CHD3: variants seen among roughly 807,000 people sequenced by gnomAD.
CHD3 encodes ATP-dependent chromatin remodeler CHD3.
A neutral mutation model predicts 248.9 loss-of-function variants in CHD3; 52 were observed. The ratio of observed to expected loss-of-function variants is 0.21; its 90% CI spans 0.17 to 0.26. The LOEUF (loss-of-function observed/expected upper bound fraction) is 0.26, where lower values mean the gene tolerates loss of function less well. Among genes scored for constraint, CHD3 ranks in the 10% least tolerant of loss-of-function variants. The pLI is 1.00. For missense variants in CHD3, 1,482 were observed against 2,605.8 expected (o/e 0.57, Z 9.39); for synonymous variants, 985 against 985.2 (o/e 1.00, Z 0.00).
chr17:7,911,660 G>A lies in CHD3; in HGVS notation c.*75G>A, dbSNP rs1267492786. Reference sequence around the variant, plus strand: ...CCCAGCTCAAGCGCTGGGGCCTGCTGCCAGCCCTCCACCTTCCCCACCCCT... The same window carrying A: ...CCCAGCTCAAGCGCTGGGGCCTGCTACCAGCCCTCCACCTTCCCCACCCCT... On this transcript the variant is annotated 3_prime_UTR_variant, in exon 40 of 40. Transcript: ENST00000330494. The surrounding 1 kb of genome is among the most constrained non-coding windows in gnomAD (Gnocchi z 5.4). The A allele has an allele frequency of 6.2e-7, 1 of 1,606,628 alleles. No homozygotes were observed. The highest frequency in any genetic ancestry group is 8.5e-7 in the Non-Finnish European group (1 of 1,176,044).
rs748588194 is a variant in CHD3, at chr17:7,907,630, G to A, written c.4954G>A (p.Glu1652Lys). The change falls in exon 33 of 40, where the codon GAG (glutamate) becomes AAG (lysine). Residue 1652 changes from glutamate (E) to lysine (K), a missense_variant. By Grantham distance (56) the Glu-to-Lys change is moderately conservative (BLOSUM62 1). Around this residue, in one of 20 missense-constraint regions of CHD3, gnomAD observed 254 missense variants for 266.7 expected, o/e 0.95. Coordinates refer to ENST00000330494, the MANE Select transcript of CHD3 (RefSeq NM_001005273.3). This position sits in a 1 kb window ranked among gnomAD's most constrained non-coding sequence, Gnocchi z 4.3. ...ATESTPGERG[E>K]EKPLDGQEHR... ...AGAGTCGACGCCAGGAGAAAGGGGGGAGGAGAAGCCGTTGGATGGACAGGA... is the reference window on the plus strand; with the variant it reads ...AGAGTCGACGCCAGGAGAAAGGGGGAAGGAGAAGCCGTTGGATGGACAGGA... 1.3e-6 allele frequency: 2 copies of A among 1,524,832 alleles called. No homozygotes were observed. The highest frequency in any genetic ancestry group is 2.6e-5 in the South Asian group (2 of 78,140). The allele number at this position is 1,524,832 out of a possible 1,614,324, so 94.5% of individuals were successfully genotyped here.
In CHD3 at chr17:7,906,516, G is replaced by T; in HGVS notation, c.4359-37G>T. On this transcript the variant is annotated intron_variant, in intron 28 of 39. Coordinates refer to ENST00000330494, the MANE Select transcript of CHD3 (RefSeq NM_001005273.3). This position sits in a 1 kb window ranked among gnomAD's most constrained non-coding sequence, Gnocchi z 5.0. The stretch of plus-strand genomic sequence containing the variant: ...CTCACTGCCCTATACCCCTTCTGTG[G>T]CTCCCCTAACCCTCCTCCCACTCCC... 6.2e-7 allele frequency: 1 copy of T among 1,611,288 alleles called. No homozygotes were observed. Among genetic ancestry groups the T allele is most frequent in the South Asian group, 1.1e-5 (1 of 90,886 alleles).
chr17:7,911,731 CCT>C lies in CHD3; in HGVS notation c.*151_*152del. 2 of 1,542,794 alleles carry C rather than the reference CCT, an allele frequency of 1.3e-6. No homozygotes were observed. Among genetic ancestry groups the C allele is most frequent in the Non-Finnish European group, 1.8e-6 (2 of 1,141,634 alleles). On this transcript the variant is annotated 3_prime_UTR_variant, in exon 40 of 40. Coordinates refer to ENST00000330494, the MANE Select transcript of CHD3 (RefSeq NM_001005273.3). This position sits in a 1 kb window ranked among gnomAD's most constrained non-coding sequence, Gnocchi z 5.4. ...AACCCCTTTGCCCCTCTCTGCAGCTCCTCTCTTCAAGAAGGGCCCTTTGTCTT... is the reference window on the plus strand; with the variant it reads ...AACCCCTTTGCCCCTCTCTGCAGCTCCTCTTCAAGAAGGGCCCTTTGTCTT...
chr17:7,898,375 A>G (rs1048367491), intron 12 of CHD3, 121 bp from the exon 13 acceptor site: 1 of 827,826 alleles, frequency 1.2e-6, no homozygotes, highest in Non-Finnish European at 1.9e-6. Context: ...AGAGCCTGGG[A>G]AAAAGGAAAT....
intron 10 of CHD3, 115 bp from the exon 11 acceptor site, chr17:7,896,968 C>G (rs1262789183): frequency 1.0e-5 from 9 of 864,782 alleles, no homozygotes; most frequent in South Asian, 1.6e-5. Flanking sequence ...CCAATCCATC[C>G]TTTTTCATAG....
chr17:7,893,906 C>T lies in CHD3; in HGVS notation c.895C>T (p.Leu299=). ...ACCACTCAAAATAAAACTAGGGCTT[C>T]TGGGTGGCAAGAGGAAGAAAGGAGG... ...MAPLKIKLGL[L]GGKRKKGGSY... Residue 299 remains leucine, a synonymous_variant, in exon 6 of 40, where the codon CTG becomes TTG. Transcript: ENST00000330494. 1 of 1,598,754 alleles carries T rather than the reference C, an allele frequency of 6.3e-7. No homozygotes were observed. Among genetic ancestry groups the T allele is most frequent in the Non-Finnish European group, 8.5e-7 (1 of 1,170,628 alleles).
chr17:7,885,869 C>A (rs911495912), upstream of CHD3, among the ~76,000 whole-genome samples: 1 of 152,238 alleles, frequency 6.6e-6, no homozygotes, highest in Non-Finnish European at 1.5e-5. Context: ...AAGGCAGGAG[C>A]TCGTCCCCTC....
rs984132266 is a variant in CHD3, at chr17:7,901,451, G to C, written c.3252+76G>C. ...CATCCTCCAGACTTTAATTTCTTAC[G>C]GTCTTCCTGTGGCTGCTCTGGTGTG... On this transcript the variant is annotated intron_variant, in intron 20 of 39. Transcript: ENST00000330494. 2.9e-6 allele frequency: 4 copies of C among 1,357,252 alleles called. No homozygotes were observed. In the African/African-American group the frequency reaches 5.9e-5, roughly 20 times the overall value. The allele number at this position is 1,357,252 out of a possible 1,614,324, so 84.1% of individuals were successfully genotyped here. A position where few individuals can be genotyped will look rare whatever the true frequency, so the allele number is the denominator to read the frequency against.
At chr17:7,887,232 G>A (rs931136370), upstream of CHD3, among the ~76,000 whole-genome samples, 2 of 152,136 alleles carry the variant, frequency 1.3e-5, no homozygotes, top group Admixed American at 6.5e-5. Context: ...GATTTCCATT[G>A]TTTTCCATTC....
chr17:7,897,992 C>T lies in CHD3; in HGVS notation c.1941C>T (p.Tyr647=), dbSNP rs1969892155. 1.2e-6 allele frequency: 2 copies of T among 1,613,870 alleles called. No homozygotes were observed. The highest frequency in any genetic ancestry group is 8.5e-7 in the Non-Finnish European group (1 of 1,179,932). The change falls in exon 12 of 40, where the codon TAC becomes TAT. Residue 647 remains tyrosine, a synonymous_variant. Coordinates refer to ENST00000330494, the MANE Select transcript of CHD3 (RefSeq NM_001005273.3). This position sits in a 1 kb window ranked among gnomAD's most constrained non-coding sequence, Gnocchi z 4.8. ...ACAGTGTGGATAAAAAGGGGAATTA[C>T]CACTATCTAGTAAAATGGAGGGACT... ...INHSVDKKGN[Y]HYLVKWRDLP...
rs768338780 is a variant in CHD3 at position 7,910,329 on chromosome 17, T to G, written c.5591-99T>G. 2 of 1,429,084 alleles carry G rather than the reference T, an allele frequency of 1.4e-6. No homozygotes were observed. Among genetic ancestry groups the G allele is most frequent in the South Asian group, 2.3e-5 (2 of 87,232 alleles). The allele number at this position is 1,429,084 out of a possible 1,614,324, so 88.5% of individuals were successfully genotyped here. A position where few individuals can be genotyped will look rare whatever the true frequency, so the allele number is the denominator to read the frequency against. The stretch of plus-strand genomic sequence containing the variant: ...GTGTTCTCCTCTCTCGCTCTTTTTC[T>G]GCCTGTATCTGTCCATCTGATGCCT... On this transcript the variant is annotated intron_variant, in intron 37 of 39. Coordinates refer to ENST00000330494, the MANE Select transcript of CHD3 (RefSeq NM_001005273.3). The surrounding 1 kb of genome is among the most constrained non-coding windows in gnomAD (Gnocchi z 4.7).
At position 7,910,636 on chromosome 17, in the gene CHD3, C is replaced by T; in HGVS notation, c.5754+45C>T. ...GCTCCAGTTTTCCCTGTTTGTGTTC[C>T]TCCTGCACACATACAAACACTTCCA... On this transcript the variant is annotated intron_variant, in intron 38 of 39. Coordinates refer to ENST00000330494, the MANE Select transcript of CHD3 (RefSeq NM_001005273.3). This position sits in a 1 kb window ranked among gnomAD's most constrained non-coding sequence, Gnocchi z 4.7. 1 of 1,576,628 alleles carries T rather than the reference C, an allele frequency of 6.3e-7. No individual in the cohort carries two copies.
chr17:7,894,866 T>G (rs749255431), intron 8 of CHD3, 51 bp from the exon 9 acceptor site: 1 of 1,600,240 alleles, frequency 6.2e-7, no homozygotes, highest in East Asian at 2.2e-5. Context: ...TCTTCCAGTT[T>G]CATTCCTTAA....
chr17:7,908,354 C>G lies in CHD3; in HGVS notation c.5153-48C>G, dbSNP rs1393779008. ...CTCTACCTGTCTGTTGGACTGAGTGCAGTCTGCAAAACCCTGTTACCTCTT... is the reference window on the plus strand; with the variant it reads ...CTCTACCTGTCTGTTGGACTGAGTGGAGTCTGCAAAACCCTGTTACCTCTT... On this transcript the variant is annotated intron_variant, in intron 34 of 39. Transcript: ENST00000330494. The surrounding 1 kb of genome is among the most constrained non-coding windows in gnomAD (Gnocchi z 5.8). The G allele has an allele frequency of 7.0e-7, 1 of 1,428,234 alleles. No homozygotes were observed. Among genetic ancestry groups the G allele is most frequent in the Non-Finnish European group, 9.8e-7 (1 of 1,022,908 alleles). 88.5% of individuals were successfully genotyped at this position (1,428,234 alleles called of 1,614,324 possible).
At chr17:7,901,064 G>GT in intron 19 of CHD3, 71 bp downstream of exon 19, 3 of 1,570,082 alleles carry the variant, frequency 1.9e-6, no homozygotes, top group Non-Finnish European at 1.7e-6. Flanking sequence ...TAGTGGGGAG[G>GT]TGGGTATTGA....
In CHD3 at chr17:7,910,926, C is replaced by T; in HGVS notation, c.5834C>T (p.Ala1945Val). The change falls in exon 39 of 40, where the codon GCC becomes GTC. Residue 1945 changes from alanine to valine, a missense_variant. By Grantham distance (64) the Ala-to-Val change is moderately conservative. Around this residue, in one of 20 missense-constraint regions of CHD3, gnomAD observed 117 missense variants for 137.2 expected, o/e 0.85. Coordinates refer to ENST00000330494, the MANE Select transcript of CHD3 (RefSeq NM_001005273.3). The surrounding 1 kb of genome is among the most constrained non-coding windows in gnomAD (Gnocchi z 4.7). Reference protein sequence around the residue: ...FSAAPVGALAAAGANYSQMPA... With the variant: ...FSAAPVGALAVAGANYSQMPA... ...GCCGCACCCGTAGGGGCCCTGGCCG[C>T]CGCAGGCGCCAATTACAGCCAGATG... is the stretch of plus-strand genomic sequence containing the variant. 6.2e-7 allele frequency: 1 copy of T among 1,613,728 alleles called. No individual in the cohort carries two copies. Among genetic ancestry groups the T allele is most frequent in the East Asian group, 2.2e-5 (1 of 44,878 alleles).
In CHD3 at chr17:7,904,051, C is replaced by T. The variant is rs1970617237; in HGVS notation, c.3894+60C>T. On this transcript the variant is annotated intron_variant, in intron 24 of 39. Coordinates refer to ENST00000330494, the MANE Select transcript of CHD3 (RefSeq NM_001005273.3). This position sits in a 1 kb window ranked among gnomAD's most constrained non-coding sequence, Gnocchi z 4.4. ...CAGGCCATCTCCAAAAGGCAGTATC[C>T]TTTACTCAGCCTTGAAGTAGGAGGG... The T allele has an allele frequency of 6.4e-7, 1 of 1,561,456 alleles. No homozygotes were observed. Among genetic ancestry groups the T allele is most frequent in the East Asian group, 2.3e-5 (1 of 44,422 alleles).
chr17:7,886,217 A>T (rs1340155425), upstream of CHD3, among the ~76,000 whole-genome samples: 7 of 152,108 alleles, frequency 4.6e-5, no homozygotes. This position sits in a 1 kb window ranked among gnomAD's most constrained non-coding sequence, Gnocchi z 4.2. Context: ...GTGACAAGTC[A>T]CCCGGCGGCA....
In CHD3 at chr17:7,888,886, G is replaced by A. The variant is rs1968406999; in HGVS notation, c.-115G>A. The A allele has an allele frequency of 6.5e-7, 1 of 1,535,512 alleles. No homozygotes were observed. Among genetic ancestry groups the A allele is most frequent in the Non-Finnish European group, 8.8e-7 (1 of 1,142,746 alleles). On this transcript the variant is annotated 5_prime_UTR_variant, in exon 1 of 40. Transcript: ENST00000330494. ...GAAGGGTGAGATCGGGAAACAAAGG[G>A]TATGGCCCCCTAGTTCCCAAAGGGA...
Sources: allele counts gnomAD v4.1 joint callset (sites outside exome capture counted in the v4.1 genomes callset), GRCh38; gene constraint gnomAD v4.1.1; regional missense constraint gnomAD v4.1.1; non-coding constraint Gnocchi (gnomAD v3.1); transcripts MANE v1.5; gene names NCBI Gene and HGNC (gene_info 2026-07-23, HGNC 2026-07-21).